CTNNA2: variants seen among roughly 807,000 people sequenced by gnomAD.
The protein encoded by CTNNA2 is catenin alpha 2, also known as catenin alpha-2.
A neutral mutation model predicts 101.0 loss-of-function variants in CTNNA2; 42 were observed. The observed-to-expected ratio is 0.42, with a 90% confidence interval of 0.32 to 0.54. The LOEUF is 0.54. CTNNA2 is among the 20% of genes least tolerant of loss of function. The probability of loss-of-function intolerance (pLI) is 0.14; values close to 1 mark genes in which losing one functional copy is unlikely to be tolerated. For synonymous variants in CTNNA2, 450 were observed against 456.4 expected (o/e 0.99, Z 0.18); for missense variants, 871 against 1,223.1 (o/e 0.71, Z 4.29).
At chr2:79,254,333 G>C (rs1271391832) in intron 2 of CTNNA2, among the ~76,000 whole-genome samples, 1 of 152,184 alleles carries the variant, frequency 6.6e-6, no homozygotes, top group Non-Finnish European at 1.5e-5. Flanking sequence ...TGGAGGTGGG[G>C]CTGGTGGGAA....
intron 9 of CTNNA2, among the ~76,000 whole-genome samples, chr2:80,424,956 C>T (rs58350442): frequency 0.026 from 3,892 of 152,280 alleles, 157 homozygotes; most frequent in African/African-American, 0.087. Context: ...CTGTGCTCAG[C>T]TCCATTTTCT....
At chr2:79,308,188 G>A (rs1676289447) in intron 2 of CTNNA2, among the ~76,000 whole-genome samples, 1 of 152,032 alleles carries the variant, frequency 6.6e-6, no homozygotes, top group African/African-American at 2.4e-5. Flanking sequence ...GGGATTACAG[G>A]TGCCCATCAC....
At chr2:80,441,789 A>C (rs1682606644) in intron 9 of CTNNA2, among the ~76,000 whole-genome samples, 1 of 152,212 alleles carries the variant, frequency 6.6e-6, no homozygotes, top group South Asian at 2.1e-4. Flanking sequence ...TTGAGCCCAA[A>C]GATTAGGTAA....
At chr2:79,765,932 G>T (rs896753870) in intron 3 of CTNNA2, among the ~76,000 whole-genome samples, 14 of 152,124 alleles carry the variant, frequency 9.2e-5, no homozygotes, top group African/African-American at 3.4e-4. Flanking sequence ...CGTTGTCAAT[G>T]CTCAGTATAC....
At chr2:79,338,005 G>A (rs1268807133) in intron 3 of CTNNA2, among the ~76,000 whole-genome samples, 1 of 152,008 alleles carries the variant, frequency 6.6e-6, no homozygotes, top group African/African-American at 2.4e-5. Flanking sequence ...TAGCACTTTA[G>A]GAGGCTGAGG....
At chr2:79,796,827 C>T (rs976342387) in intron 3 of CTNNA2, among the ~76,000 whole-genome samples, 1 of 152,066 alleles carries the variant, frequency 6.6e-6, no homozygotes, top group African/African-American at 2.4e-5. Context: ...TGCAATCCAC[C>T]CCGTCTTTAT....
At chr2:79,615,606 C>T (rs1036701361) in intron 1 of CTNNA2, among the ~76,000 whole-genome samples, 4 of 152,148 alleles carry the variant, frequency 2.6e-5, no homozygotes, top group South Asian at 2.1e-4. Context: ...ATGAAAACTA[C>T]ATCTTTGCAG....
chr2:79,497,418 G>A (rs1319275541), intron 4 of CTNNA2, among the ~76,000 whole-genome samples: 1 of 152,132 alleles, frequency 6.6e-6, no homozygotes, highest in Non-Finnish European at 1.5e-5. Flanking sequence ...CTCGTTCTTA[G>A]TATTTGTTCC....
At chr2:80,472,532 A>T (rs1422074593) in intron 9 of CTNNA2, among the ~76,000 whole-genome samples, 1 of 152,222 alleles carries the variant, frequency 6.6e-6, no homozygotes, top group Non-Finnish European at 1.5e-5. Flanking sequence ...GAAAGGAAGG[A>T]TGCTTTCCCA....
Position 79,485,701 on chromosome 2 carries a change from T to C in CTNNA2, c.-134-19353T>C, listed in dbSNP as rs114618299. Among the ~76,000 whole-genome samples, 125 of 152,294 alleles carry C rather than the reference T, an allele frequency of 8.2e-4. 1 individual carries two copies. Among genetic ancestry groups the C allele is most frequent in the African/African-American group, 2.9e-3 (122 of 41,578 alleles). ...TTTCATGCCTTGGTAGGTTGGACAA[T>C]ATCAATGAAGTAGGAAAATTATGCC... On this transcript the variant is annotated intron_variant, in intron 4 of 21. Coordinates refer to the CTNNA2 transcript ENST00000466387.
intron 1 of CTNNA2, among the ~76,000 whole-genome samples, chr2:79,561,380 T>C (rs940509897): frequency 6.6e-6 from 1 of 151,986 alleles, no homozygotes; most frequent in African/African-American, 2.4e-5. Flanking sequence ...AATGCTACTA[T>C]GAGCATTAGT....
chr2:80,117,002 CT>C (rs975331377), intron 7 of CTNNA2, among the ~76,000 whole-genome samples: 4 of 151,514 alleles, frequency 2.6e-5, no homozygotes, highest in African/African-American at 9.7e-5. Context: ...CATGGACACA[CT>C]TGGAAGTTCT....
chr2:79,686,541 T>C (rs775216768), intron 2 of CTNNA2, among the ~76,000 whole-genome samples: 2 of 152,092 alleles, frequency 1.3e-5, no homozygotes, highest in African/African-American at 2.4e-5. Flanking sequence ...GTGCATACCC[T>C]GAGAAACAAA....
chr2:79,330,612 G>A (rs535803933), intron 3 of CTNNA2, among the ~76,000 whole-genome samples: 4 of 152,236 alleles, frequency 2.6e-5, no homozygotes, highest in Non-Finnish European at 4.4e-5. Context: ...GAATTCCCAC[G>A]TGTCATGAGA....
chr2:79,366,829 T>TAGTA (rs1469553762), intron 3 of CTNNA2, among the ~76,000 whole-genome samples: 1 of 152,224 alleles, frequency 6.6e-6, no homozygotes, highest in African/African-American at 2.4e-5. Flanking sequence ...ATAAAATGTA[T>TAGTA]AGTATATCAG....
At chr2:79,762,256 G>A (rs1252202552) in intron 3 of CTNNA2, among the ~76,000 whole-genome samples, 2 of 152,182 alleles carry the variant, frequency 1.3e-5, no homozygotes, top group East Asian at 1.9e-4. Flanking sequence ...CAACCCAGGC[G>A]TGGTTTGCCC....
At chr2:79,719,618 T>A (rs550338844) in intron 2 of CTNNA2, among the ~76,000 whole-genome samples, 1 of 152,210 alleles carries the variant, frequency 6.6e-6, no homozygotes, top group Non-Finnish European at 1.5e-5. Flanking sequence ...TATCTCATTA[T>A]GGTGTTGATT....
chr2:80,248,175 C>T (rs1416732135), intron 7 of CTNNA2, among the ~76,000 whole-genome samples: 1 of 152,094 alleles, frequency 6.6e-6, no homozygotes, highest in Non-Finnish European at 1.5e-5. Context: ...CTCACCATTC[C>T]TGTCATAGCC....
rs192580337 is a variant in CTNNA2 at position 79,256,511 on chromosome 2, A to C, written c.-405-56198A>C. Among the ~76,000 whole-genome samples, 5 of 152,338 alleles carry C rather than the reference A, an allele frequency of 3.3e-5. No homozygotes were observed. In the East Asian group the frequency reaches 5.8e-4, roughly 18 times the overall value. ...CAGTGAAGCTGTGTGATTACACCAG[A>C]TTATGACACCAGCATCAGAGGAGAA... On this transcript the variant is annotated intron_variant, in intron 2 of 21. Transcript: ENST00000466387.
Sources: gnomAD v4.1 joint callset for allele counts (sites outside exome capture counted in the v4.1 genomes callset) on GRCh38, gnomAD v4.1.1 for gene constraint, MANE v1.5 for transcripts, NCBI Gene and HGNC (gene_info 2026-07-23, HGNC 2026-07-21) for gene names.